The following TTN variants were observed in gnomAD, a reference collection of about 807,000 sequenced individuals.
TTN encodes the protein titin.
A neutral mutation model predicts 3,223.0 loss-of-function variants in TTN; 1,525 were observed. That is an observed-to-expected ratio of 0.47 (90% CI 0.45 to 0.49). The LOEUF is 0.49. Ranked by LOEUF, TTN falls within the 20% of genes least tolerant of loss-of-function variation. The pLI, the probability that TTN is intolerant of heterozygous loss-of-function variation, is 0.00. For synonymous variants in TTN, 14,094 were observed against 15,161.0 expected, an observed-to-expected ratio of 0.93 and a Z score of 5.17; for missense variants, 40,786 against 43,424.0, an observed-to-expected ratio of 0.94 and a Z score of 5.40.
Position 178,609,476 on chromosome 2 carries a change from A to C in TTN, c.51834T>G (p.Thr17278=). ...DASISGSPYP[T]ITWIKDENVI... Reference sequence around the variant, plus strand: ...CATTTTCATCCTTTATCCATGTAATAGTTGGGTAAGGTGATCCAGAAATAC... The same window carrying C: ...CATTTTCATCCTTTATCCATGTAATCGTTGGGTAAGGTGATCCAGAAATAC... Residue 17278 remains threonine, a synonymous_variant, in exon 273 of 363, where the codon ACT becomes ACG. Coordinates refer to ENST00000589042, the MANE Select transcript of TTN (RefSeq NM_001267550.2). 6.2e-7 allele frequency: 1 copy of C among 1,612,474 alleles called. No individual in the cohort carries two copies. Among genetic ancestry groups the C allele is most frequent in the Non-Finnish European group, 8.5e-7 (1 of 1,179,138 alleles).
rs575272939 is a variant in TTN at position 178,636,429 on chromosome 2, T to G, written c.41298A>C (p.Glu13766Asp). ...YTCVLRLGNK[E>D]KTSTAKLVVE... ...CAACAAGTTTAGCCGTGGAGGTCTT[T>G]TCTTTGTTTCCCAAACGTAAAACAC... The change falls in exon 225 of 363, where the codon GAA (glutamate) becomes GAC (aspartate). Residue 13766 changes from glutamate (E) to aspartate (D), a missense_variant. Transcript: ENST00000589042. The surrounding 1 kb of genome is among the most constrained non-coding windows in gnomAD (Gnocchi z 4.3). 2.4e-5 allele frequency: 38 copies of G among 1,611,112 alleles called. No individual in the cohort carries two copies. The South Asian group carries it at 4.0e-4, about 17-fold the overall frequency.
chr2:178,636,323 C>A lies in TTN; in HGVS notation c.41329+75G>T. On this transcript the variant is annotated intron_variant, in intron 225 of 362. Coordinates refer to ENST00000589042, the MANE Select transcript of TTN (RefSeq NM_001267550.2). The surrounding 1 kb of genome is among the most constrained non-coding windows in gnomAD (Gnocchi z 4.3). ...CTTGGAAATAAGAGGTTTTGTAAAACTACAATGCAAGTTGCTACTAAGGTT... is the reference window on the plus strand; with the variant it reads ...CTTGGAAATAAGAGGTTTTGTAAAAATACAATGCAAGTTGCTACTAAGGTT... 1 of 1,504,680 alleles carries A rather than the reference C, an allele frequency of 6.6e-7. No individual in the cohort carries two copies. The allele number at this position is 1,504,680 out of a possible 1,614,324, so 93.2% of individuals were successfully genotyped here.
rs561739832 is a variant in TTN at position 178,548,182 on chromosome 2, G to A, written c.93444C>T (p.Tyr31148=). 221 of 1,613,818 alleles carry A rather than the reference G, an allele frequency of 1.4e-4. No individual in the cohort carries two copies. The highest frequency in any genetic ancestry group is 1.1e-3 in the South Asian group (98 of 91,084). The change falls in exon 339 of 363, where the codon TAC becomes TAT. Residue 31148 remains tyrosine (Y), a synonymous_variant. Transcript: ENST00000589042. This position sits in a 1 kb window ranked among gnomAD's most constrained non-coding sequence, Gnocchi z 4.3. ...ATCCCTTTTGTCTCATTTCAAGCAG[G>A]TAGCCAGTGATCCGGCTGCCTCCAT... The part of the protein sequence containing the change: ...DHDGGSRITG[Y]LLEMRQKGSD...
chr2:178,696,060 A>G lies in TTN; in HGVS notation c.31012T>C (p.Tyr10338His). The stretch of plus-strand genomic sequence containing the variant: ...TCATAGTCTTCATCTGGTTCTTCAT[A>G]ATAAGGTTGTTCAAATGGCTCTGTG... ...PYTEPFEQPY[Y>H]EEPDEDYEEI... The change falls in exon 114 of 363, where the codon TAT (tyrosine) becomes CAT (histidine). Residue 10338 changes from tyrosine to histidine, a missense_variant. By Grantham distance (83) the Tyr-to-His change is moderately conservative. Transcript: ENST00000589042. 2.6e-6 allele frequency: 4 copies of G among 1,551,136 alleles called. No individual in the cohort carries two copies. Among genetic ancestry groups the G allele is most frequent in the Middle Eastern group, 1.7e-4 (1 of 5,990 alleles).
At chr2:178,749,348 C>T (rs2084680430) in intron 47 of TTN, 1 of 1,612,820 alleles carries the variant, frequency 6.2e-7, no homozygotes, top group African/African-American at 1.3e-5. Flanking sequence ...GAATTCAGCC[C>T]TGATGGGCTT....
intron 47 of TTN, chr2:178,750,761 CTGGCATG>C (rs1452160247): frequency 6.2e-7 from 1 of 1,612,938 alleles, no homozygotes; most frequent in Non-Finnish European, 8.5e-7. Context: ...AAAAGATTCG[CTGGCATG>C]TGGTGTAATA....
chr2:178,803,144 G>A (rs73973153), intron 2 of TTN, among the ~76,000 whole-genome samples: 1,590 of 152,236 alleles, frequency 0.01, 22 homozygotes, highest in African/African-American at 0.036. Flanking sequence ...ATCTACTTAC[G>A]CTGGTAGGTA....
chr2:178,667,435 A>G lies in TTN; in HGVS notation c.35713+7T>C. The G allele has an allele frequency of 6.3e-7, 1 of 1,597,860 alleles. No individual in the cohort carries two copies. The highest frequency in any genetic ancestry group is 8.5e-7 in the Non-Finnish European group (1 of 1,172,578). On this transcript the variant is annotated splice_region_variant and intron_variant, in intron 161 of 362. Coordinates refer to ENST00000589042, the MANE Select transcript of TTN (RefSeq NM_001267550.2). Reference sequence around the variant, plus strand: ...ACTCATCTGGGTTTGATGTATTTGAAATATACCTTTAGTTGCTGGTGTTTC... The same window carrying G: ...ACTCATCTGGGTTTGATGTATTTGAGATATACCTTTAGTTGCTGGTGTTTC...
Position 178,636,165 on chromosome 2 carries a change from G to A in TTN, c.41406C>T (p.Cys13802=), listed in dbSNP as rs749356221. The stretch of plus-strand genomic sequence containing the variant: ...CCACGTCACGCTCTTTGTTTAACTC[G>A]CAGCTCAAGTACAATGGCTGTCCTT... ...VVKGQPLYLS[C]ELNKERDVVW... is the part of the protein sequence containing the mutation. Residue 13802 remains cysteine, a synonymous_variant, in exon 226 of 363, where the codon TGC becomes TGT. Transcript: ENST00000589042. This position sits in a 1 kb window ranked among gnomAD's most constrained non-coding sequence, Gnocchi z 4.3. The A allele has an allele frequency of 7.4e-6, 12 of 1,612,406 alleles. No individual in the cohort carries two copies. The Admixed American group carries it at 8.3e-5, about 11-fold the overall frequency.
Position 178,782,409 on chromosome 2 carries a change from A to G in TTN, c.3183T>C (p.Asp1061=). The change falls in exon 20 of 363, where the codon GAT becomes GAC. Residue 1061 remains aspartate (D), a synonymous_variant. Coordinates refer to ENST00000589042, the MANE Select transcript of TTN (RefSeq NM_001267550.2). ...TEEKRFVESR[D]VVMTDTSLTE... ...TGAGGCTAGTATCAGTCATAACCACATCTCTTGACTCAACAAAGCTGGAAA... is the reference window on the plus strand; with the variant it reads ...TGAGGCTAGTATCAGTCATAACCACGTCTCTTGACTCAACAAAGCTGGAAA... 6.2e-7 allele frequency: 1 copy of G among 1,614,030 alleles called. No individual in the cohort carries two copies.
In TTN at chr2:178,633,515, G is replaced by C; in HGVS notation, c.42844C>G (p.Leu14282Val). Residue 14282 changes from leucine (L) to valine (V), a missense_variant, in exon 232 of 363, where the codon CTG becomes GTG. Physicochemically the swap from Leu to Val is conservative, Grantham distance 32. Coordinates refer to ENST00000589042, the MANE Select transcript of TTN (RefSeq NM_001267550.2). ...SPKYSIKADG[L>V]RRILKIKKAD... ...TTTTTGATTTTTAAGATGCGGCGCA[G>C]GCCATCTGCCTTGATAGAATATTTG... 2 of 1,613,348 alleles carry C rather than the reference G, an allele frequency of 1.2e-6. No individual in the cohort carries two copies. The highest frequency in any genetic ancestry group is 2.2e-5 in the South Asian group (2 of 91,082).
Position 178,557,926 on chromosome 2 carries a change from C to G in TTN, c.87428G>C (p.Gly29143Ala). The G allele has an allele frequency of 6.2e-7, 1 of 1,613,214 alleles. No individual in the cohort carries two copies. Among genetic ancestry groups the G allele is most frequent in the African/African-American group, 1.3e-5 (1 of 75,052 alleles). ...AGTTATATCACTAATAACAACAGGG[C>G]CAGTTGGAGGACCAGGCCTGTCTAG... ...VVLDRPGPPT[G>A]PVVISDITEE... is the part of the protein sequence containing the mutation. The change falls in exon 328 of 363, where the codon GGC becomes GCC. Residue 29143 changes from glycine to alanine, a missense_variant. Transcript: ENST00000589042.
rs114215185 is a variant in TTN, at chr2:178,529,525, C to T, written c.106532-306G>A. On this transcript the variant is annotated intron_variant, in intron 359 of 362. Transcript: ENST00000589042. ...GTGGATTTGGGAGATTTTGAGTAAC[C>T]AAAACATTAAATTATCTTTCAGAAG... 7.8e-3 allele frequency among the ~76,000 whole-genome samples: 1,191 copies of T among 152,202 alleles called. 8 individuals carry two copies. Among genetic ancestry groups the T allele is most frequent in the Non-Finnish European group, 0.01 (710 of 67,990 alleles).
chr2:178,583,347 A>G, intron 312 of TTN, 120 bp from the exon 313 acceptor site: 1 of 1,051,026 alleles, frequency 9.5e-7, no homozygotes. Context: ...GTGTTATTTC[A>G]TTTTGTTTAT....
rs757426241 is a variant in TTN at position 178,667,690 on chromosome 2, T to C, written c.35577A>G (p.Glu11859=). The change falls in exon 160 of 363, where the codon GAA becomes GAG. Residue 11859 remains glutamate, a synonymous_variant. Coordinates refer to ENST00000589042, the MANE Select transcript of TTN (RefSeq NM_001267550.2). ...GAGGTTGAGTCACAAGTACTTTTTC[T>C]TCTAGGACTGCTTCTTCAGATGCTT... is the stretch of plus-strand genomic sequence containing the variant. ...IYEASEEAVL[E]EKVLVTQPQK... 10 of 1,596,618 alleles carry C rather than the reference T, an allele frequency of 6.3e-6. No homozygotes were observed. The highest frequency in any genetic ancestry group is 7.6e-6 in the Non-Finnish European group (9 of 1,178,738).
intron 6 of TTN, among the ~76,000 whole-genome samples, chr2:178,798,101 C>A (rs2093866599): frequency 6.6e-6 from 1 of 151,954 alleles, no homozygotes; most frequent in Non-Finnish European, 1.5e-5. Context: ...CTGTTTTGTT[C>A]CCCTGGTGTA....
In TTN at chr2:178,717,971, G is replaced by A. The variant is rs781552736; in HGVS notation, c.25035C>T (p.Val8345=). 4.3e-6 allele frequency: 7 copies of A among 1,612,560 alleles called. No individual in the cohort carries two copies. In the Admixed American group the frequency reaches 5.0e-5, roughly 12 times the overall value. The change falls in exon 86 of 363, where the codon GTC becomes GTT. Residue 8345 remains valine, a synonymous_variant. Coordinates refer to ENST00000589042, the MANE Select transcript of TTN (RefSeq NM_001267550.2). ...TGATAACAAGCACAGCTGAAGAAGC[G>A]ACTGCCCCCACACTGTTGTCTGCCT... ...SCKADNSVGA[V]ASSAVLVIKA... is the part of the protein sequence containing the mutation.
chr2:178,538,933 C>A lies in TTN; in HGVS notation c.98989+13G>T. 1 of 1,598,200 alleles carries A rather than the reference C, an allele frequency of 6.3e-7. No homozygotes were observed. Among genetic ancestry groups the A allele is most frequent in the South Asian group, 1.1e-5 (1 of 88,922 alleles). ...TGCTTCTTTAATTTAACCCCTTCTT[C>A]TGAATTCCTTACCAAATGGATCTTT... On this transcript the variant is annotated intron_variant, in intron 353 of 362. Coordinates refer to ENST00000589042, the MANE Select transcript of TTN (RefSeq NM_001267550.2).
At position 178,534,250 on chromosome 2, in the gene TTN, C is replaced by G; in HGVS notation, c.102365G>C (p.Gly34122Ala). 6.2e-7 allele frequency: 1 copy of G among 1,613,972 alleles called. No individual in the cohort carries two copies. The highest frequency in any genetic ancestry group is 8.5e-7 in the Non-Finnish European group (1 of 1,179,854). Residue 34122 changes from glycine (G) to alanine (A), a missense_variant, in exon 358 of 363, where the codon GGA becomes GCA. Transcript: ENST00000589042. Reference sequence around the variant, plus strand: ...CACTTTAACTTTAGCAACACTCACTCCCTTCTGAGATCGAATTGCACCACC... The same window carrying G: ...CACTTTAACTTTAGCAACACTCACTGCCTTCTGAGATCGAATTGCACCACC... Reference protein sequence around the residue: ...SCGGAIRSQKGVSVAKVKVAS... With the variant: ...SCGGAIRSQKAVSVAKVKVAS...
Sources: allele counts gnomAD v4.1 joint callset (sites outside exome capture counted in the v4.1 genomes callset), GRCh38; gene constraint gnomAD v4.1.1; non-coding constraint Gnocchi (gnomAD v3.1); transcripts MANE v1.5; gene names NCBI Gene and HGNC (gene_info 2026-07-23, HGNC 2026-07-21).